Variants in FBRS observed in about 807,000 individuals in gnomAD.
FBRS encodes probable fibrosin-1.
A neutral mutation model predicts 86.1 loss-of-function variants in FBRS; 15 were observed. The observed-to-expected ratio is 0.17, with a 90% CI of 0.12 to 0.27. The LOEUF (loss-of-function observed/expected upper bound fraction) is 0.27, where lower values mean the gene tolerates loss of function less well. FBRS is among the 10% of genes least tolerant of loss of function. The pLI is 1.00. For synonymous variants in FBRS, 666 were observed against 575.8 expected (o/e 1.16, Z -2.24); for missense variants, 1,367 against 1,301.6 (o/e 1.05, Z -0.77).
intron 12 of FBRS, among the ~76,000 whole-genome samples, 165 bp downstream of exon 12, chr16:30,666,706 G>A (rs938010773): frequency 6.6e-5 from 10 of 152,170 alleles, no homozygotes; most frequent in Non-Finnish European, 1.0e-4. Context: ...CCTGGGCTCG[G>A]ATGGAACTGG....
chr16:30,664,398 G>GGGGC lies in FBRS; in HGVS notation c.1239_1240insGGGC (p.Pro414GlyfsTer37). 9 of 1,376,442 alleles carry GGGGC rather than the reference G, an allele frequency of 6.5e-6. No homozygotes were observed. Among genetic ancestry groups the GGGGC allele is most frequent in the Non-Finnish European group, 7.8e-6 (8 of 1,026,028 alleles). 85.3% of individuals were successfully genotyped at this position (1,376,442 alleles called of 1,614,324 possible). A position where few individuals can be genotyped will look rare whatever the true frequency, so the allele number is the denominator to read the frequency against. On this transcript the variant is annotated frameshift_variant, in exon 7 of 18. Transcript: ENST00000356166. LOFTEE classifies it high-confidence loss of function. Reference sequence around the variant, plus strand: ...ACAGCTTTCCCCCTCCCGGGCTGCGGCCCCCCCCACCACCCCACCACCCCT... The same window carrying GGGGC: ...ACAGCTTTCCCCCTCCCGGGCTGCGGGGGCCCCCCCCCACCACCCCACCACCCCT...
chr16:30,664,839 G>A lies in FBRS; in HGVS notation c.1482G>A (p.Gln494=), dbSNP rs1567545685. Residue 494 remains glutamine (Q), a synonymous_variant, in exon 8 of 18, where the codon CAG becomes CAA. Transcript: ENST00000356166. ...LAFQFHQHNH[Q]HQHTHQHTHQ... Reference sequence around the variant, plus strand: ...TCCAGTTCCACCAGCACAACCACCAGCACCAGCACACCCACCAGCACACCC... The same window carrying A: ...TCCAGTTCCACCAGCACAACCACCAACACCAGCACACCCACCAGCACACCC... 1 of 1,578,834 alleles carries A rather than the reference G, an allele frequency of 6.3e-7. No individual in the cohort carries two copies. Among genetic ancestry groups the A allele is most frequent in the South Asian group, 1.2e-5 (1 of 86,898 alleles).
chr16:30,659,549 C>T lies in FBRS; in HGVS notation c.31C>T (p.Pro11Ser), dbSNP rs895120223. 9.4e-6 allele frequency: 3 copies of T among 319,558 alleles called. No individual in the cohort carries two copies. Among genetic ancestry groups the T allele is most frequent in the Non-Finnish European group, 5.7e-6 (1 of 176,256 alleles). 19.8% of individuals were successfully genotyped at this position (319,558 alleles called of 1,614,324 possible). The change falls in exon 1 of 18, where the codon CCG becomes TCG. Residue 11 changes from proline (P) to serine (S), a missense_variant. Physicochemically the swap from Pro to Ser is moderately conservative, Grantham distance 74. This residue lies in a region of FBRS where 702 missense variants were observed against 598.7 expected (regional missense o/e 1.17). Transcript: ENST00000356166. ...GACGGCAGCGGCCGCGGCCCCGGGT[C>T]CGGGCTGGGCAGCAGAGGGGGAGCG... METAAAAAPG[P>S]GWAAEGERRR...
At position 30,665,942 on chromosome 16, in the gene FBRS, T is replaced by C; in HGVS notation, c.1773+236T>C. On this transcript the variant is annotated intron_variant, in intron 11 of 17. Transcript: ENST00000356166. The surrounding 1 kb of genome is among the most constrained non-coding windows in gnomAD (Gnocchi z 4.1). The stretch of plus-strand genomic sequence containing the variant: ...TTAGGACAATGGTTTTTGTAGTGGT[T>C]TTCAAACTTTTTAATAAAGTTACAA... 2.0e-6 allele frequency: 1 copy of C among 497,006 alleles called. No individual in the cohort carries two copies. The highest frequency in any genetic ancestry group is 3.5e-6 in the Non-Finnish European group (1 of 283,334). 30.8% of individuals were successfully genotyped at this position (497,006 alleles called of 1,614,324 possible). A position where few individuals can be genotyped will look rare whatever the true frequency, so the allele number is the denominator to read the frequency against.
chr16:30,665,357 C>A lies in FBRS; in HGVS notation c.1660C>A (p.Pro554Thr). 6.4e-7 allele frequency: 1 copy of A among 1,571,168 alleles called. No individual in the cohort carries two copies. Among genetic ancestry groups the A allele is most frequent in the Non-Finnish European group, 8.6e-7 (1 of 1,158,690 alleles). ...GCCCGGGCTGCCTCCGGGCCTCCCG[C>A]CGGCCGTCTCCTTTGGCTCCCTGCA... is the stretch of plus-strand genomic sequence containing the variant. ...AVPGLPPGLP[P>T]AVSFGSLQGA... The change falls in exon 10 of 18, where the codon CCG becomes ACG. Residue 554 changes from proline to threonine, a missense_variant. Physicochemically the swap from Pro to Thr is conservative, Grantham distance 38. Coordinates refer to ENST00000356166, the MANE Select transcript of FBRS (RefSeq NM_001105079.3). This position sits in a 1 kb window ranked among gnomAD's most constrained non-coding sequence, Gnocchi z 4.1.
chr16:30,668,871 C>A lies in FBRS; in HGVS notation c.2258C>A (p.Thr753Asn). The change falls in exon 17 of 18, where the codon ACC (threonine) becomes AAC (asparagine). Residue 753 changes from threonine (T) to asparagine (N), a missense_variant. Around this residue, in one of 3 missense-constraint regions of FBRS, gnomAD observed 659 missense variants for 678.8 expected, o/e 0.97. Coordinates refer to ENST00000356166, the MANE Select transcript of FBRS (RefSeq NM_001105079.3). ...PWGRLHRSPL[T>N]FPAWVRPPEA... ...GGCCGCCTGCACCGCAGTCCTCTGACCTTTCCTGCCTGGGTCCGGCCCCCT... is the reference window on the plus strand; with the variant it reads ...GGCCGCCTGCACCGCAGTCCTCTGAACTTTCCTGCCTGGGTCCGGCCCCCT... 1 of 1,588,432 alleles carries A rather than the reference C, an allele frequency of 6.3e-7. No individual in the cohort carries two copies. The highest frequency in any genetic ancestry group is 8.5e-7 in the Non-Finnish European group (1 of 1,171,588).
Position 30,665,681 on chromosome 16 carries a change from G to A in FBRS, c.1748G>A (p.Ser583Asn), listed in dbSNP as rs781064417. 2.5e-5 allele frequency: 40 copies of A among 1,589,630 alleles called. No individual in the cohort carries two copies. The highest frequency in any genetic ancestry group is 3.2e-5 in the Non-Finnish European group (37 of 1,168,366). Residue 583 changes from serine to asparagine, a missense_variant, in exon 11 of 18, where the codon AGC becomes AAC. By Grantham distance (46) the Ser-to-Asn change is conservative (BLOSUM62 1). This residue lies in a region of FBRS where 659 missense variants were observed against 678.8 expected (regional missense o/e 0.97). Transcript: ENST00000356166. This position sits in a 1 kb window ranked among gnomAD's most constrained non-coding sequence, Gnocchi z 4.1. Reference sequence around the variant, plus strand: ...CCACCACGACTGGGGCCGGTGCCGAGCGGGCTCTCCCAGAAGGGGACACAG... The same window carrying A: ...CCACCACGACTGGGGCCGGTGCCGAACGGGCTCTCCCAGAAGGGGACACAG... The part of the protein sequence containing the change: ...ELPPRLGPVP[S>N]GLSQKGTQIP...
In FBRS at chr16:30,670,578, C is replaced by T. The variant is rs2052585012; in HGVS notation, c.*933C>T. 9.9e-6 allele frequency: 2 copies of T among 201,728 alleles called. No homozygotes were observed. The highest frequency in any genetic ancestry group is 1.1e-4 in the Admixed American group (2 of 18,628). 12.5% of individuals were successfully genotyped at this position (201,728 alleles called of 1,614,324 possible). On this transcript the variant is annotated 3_prime_UTR_variant, in exon 18 of 18. Coordinates refer to ENST00000356166, the MANE Select transcript of FBRS (RefSeq NM_001105079.3). ...GTGGCCAGAGAAGGTCACCATGTAC[C>T]ACACACCAAAGAAGGGGGTCGGCCC...
chr16:30,667,884 G>T, intron 15 of FBRS: 1 of 408,152 alleles, frequency 2.5e-6, no homozygotes, highest in Non-Finnish European at 4.3e-6. Flanking sequence ...CACCTGGAAG[G>T]GGAAGGTGGG....
Position 30,669,204 on chromosome 16 carries a change from CGCTGCCGCTGCTGCTGCCGCCGCCGCT to C in FBRS, c.2505_2531del (p.Ala841_Ala849del), listed in dbSNP as rs1270862716. 6.5e-7 allele frequency: 1 copy of C among 1,544,270 alleles called. No individual in the cohort carries two copies. Among genetic ancestry groups the C allele is most frequent in the South Asian group, 1.2e-5 (1 of 84,076 alleles). On this transcript the variant is annotated inframe_deletion, in exon 18 of 18. Coordinates refer to ENST00000356166, the MANE Select transcript of FBRS (RefSeq NM_001105079.3). The surrounding 1 kb of genome is among the most constrained non-coding windows in gnomAD (Gnocchi z 5.9). Reference sequence around the variant, plus strand: ...AGCGGAAGGAGGAGGCTGCCGCCGCCGCTGCCGCTGCTGCTGCCGCCGCCGCTGCCGCCGCCGCAGCAGCCACTGGGC... The same window carrying C: ...AGCGGAAGGAGGAGGCTGCCGCCGCCGCCGCCGCCGCAGCAGCCACTGGGC...
rs1010299815 is a variant in FBRS at position 30,667,582 on chromosome 16, C to T, written c.2034C>T (p.Pro678=). The T allele has an allele frequency of 4.5e-6, 7 of 1,542,352 alleles. No individual in the cohort carries two copies. Among genetic ancestry groups the T allele is most frequent in the East Asian group, 4.9e-5 (2 of 40,872 alleles). The change falls in exon 15 of 18, where the codon CCC becomes CCT. Residue 678 remains proline, a synonymous_variant. Coordinates refer to ENST00000356166, the MANE Select transcript of FBRS (RefSeq NM_001105079.3). Reference sequence around the variant, plus strand: ...CAGCCAACCCTTTCACGGCAGCTCCCGGGGCCCACGGACCCTTCCTGAGCC... The same window carrying T: ...CAGCCAACCCTTTCACGGCAGCTCCTGGGGCCCACGGACCCTTCCTGAGCC... ...HAAANPFTAA[P]GAHGPFLSPS...
chr16:30,664,360 C>T lies in FBRS; in HGVS notation c.1201C>T (p.Pro401Ser). 1 of 1,536,708 alleles carries T rather than the reference C, an allele frequency of 6.5e-7. No individual in the cohort carries two copies. The highest frequency in any genetic ancestry group is 8.8e-7 in the Non-Finnish European group (1 of 1,137,976). The change falls in exon 7 of 18, where the codon CCT becomes TCT. Residue 401 changes from proline (P) to serine (S), a missense_variant. Pro to Ser is a moderately conservative substitution (Grantham distance 74, BLOSUM62 -1). Around this residue, in one of 3 missense-constraint regions of FBRS, gnomAD observed 702 missense variants for 598.7 expected, o/e 1.17. Coordinates refer to ENST00000356166, the MANE Select transcript of FBRS (RefSeq NM_001105079.3). ...GCCCCCGACGCCCTCACTGCCCCTG[C>T]CTTTGTCCACCCACAGCTTTCCCCC... Reference protein sequence around the residue: ...HRPPTPSLPLPLSTHSFPPPG... With the variant: ...HRPPTPSLPLSLSTHSFPPPG...
rs2052518054 is a variant in FBRS, at chr16:30,665,955, A to G, written c.1773+249A>G. ...TTTTGTAGTGGTTTTCAAACTTTTT[A>G]ATAAAGTTACAAAACACTTTTTTTC... On this transcript the variant is annotated intron_variant, in intron 11 of 17. Coordinates refer to ENST00000356166, the MANE Select transcript of FBRS (RefSeq NM_001105079.3). The surrounding 1 kb of genome is among the most constrained non-coding windows in gnomAD (Gnocchi z 4.1). 2.0e-6 allele frequency: 1 copy of G among 510,970 alleles called. No individual in the cohort carries two copies. Among genetic ancestry groups the G allele is most frequent in the Admixed American group, 3.7e-5 (1 of 27,112 alleles). 31.7% of individuals were successfully genotyped at this position (510,970 alleles called of 1,614,324 possible).
At chr16:30,667,713 A>G (rs973577210) in intron 15 of FBRS, 91 bp downstream of exon 15, 74 of 1,191,724 alleles carry the variant, frequency 6.2e-5, no homozygotes, top group Non-Finnish European at 8.0e-5. Flanking sequence ...GGAATGCAGG[A>G]TAGACCTGGT....
At chr16:30,663,158 A>G (rs1305679212) in intron 6 of FBRS, 6 of 339,910 alleles carry the variant, frequency 1.8e-5, no homozygotes, top group Non-Finnish European at 3.0e-5. Context: ...TGCTGACATG[A>G]TGGTTAAGAG....
chr16:30,660,436 A>G lies in FBRS; in HGVS notation c.633A>G (p.Arg211=). The G allele has an allele frequency of 7.9e-7, 1 of 1,258,554 alleles. No individual in the cohort carries two copies. The highest frequency in any genetic ancestry group is 1.0e-6 in the Non-Finnish European group (1 of 992,644). 78.0% of individuals were successfully genotyped at this position (1,258,554 alleles called of 1,614,324 possible). The part of the protein sequence containing the change: ...RARKWPNKRR[R]KEASSRHSLE... The stretch of plus-strand genomic sequence containing the variant: ...GAAAATGGCCCAATAAGCGGAGAAG[A>G]AAAGAGGTGAGGTTGTCCCTTAAAA... Residue 211 remains arginine, a synonymous_variant, in exon 2 of 18, where the codon AGA becomes AGG. Transcript: ENST00000356166.
At chr16:30,664,989 G>A in intron 8 of FBRS, 46 bp from the exon 9 acceptor site, 1 of 1,609,604 alleles carries the variant, frequency 6.2e-7, no homozygotes. Flanking sequence ...CTGGGGGAAG[G>A]CCCGGGTCCC....
chr16:30,665,187 C>T lies in FBRS; in HGVS notation c.1608+108C>T. 2.0e-6 allele frequency: 3 copies of T among 1,527,310 alleles called. No individual in the cohort carries two copies. The highest frequency in any genetic ancestry group is 2.6e-6 in the Non-Finnish European group (3 of 1,132,586). 94.6% of individuals were successfully genotyped at this position (1,527,310 alleles called of 1,614,324 possible). A position where few individuals can be genotyped will look rare whatever the true frequency, so the allele number is the denominator to read the frequency against. On this transcript the variant is annotated intron_variant, in intron 9 of 17. Transcript: ENST00000356166. The surrounding 1 kb of genome is among the most constrained non-coding windows in gnomAD (Gnocchi z 4.1). ...CCAGTCTTCAGCACAAAAGCAAGAG[C>T]CTTGAGCCTGGGACAGCTCCCTGGG...
Position 30,665,834 on chromosome 16 carries a change from TAGAG to T in FBRS, c.1773+131_1773+134del, listed in dbSNP as rs1039602591. ...CAATCGGGTGTTCCTGGGTGTCTAATAGAGAGGGAATTTCTGTAAATAGCTGGCT... is the reference window on the plus strand; with the variant it reads ...CAATCGGGTGTTCCTGGGTGTCTAATAGGGAATTTCTGTAAATAGCTGGCT... On this transcript the variant is annotated intron_variant, in intron 11 of 17. Coordinates refer to ENST00000356166, the MANE Select transcript of FBRS (RefSeq NM_001105079.3). This position sits in a 1 kb window ranked among gnomAD's most constrained non-coding sequence, Gnocchi z 4.1. 30 of 855,242 alleles carry T rather than the reference TAGAG, an allele frequency of 3.5e-5. No homozygotes were observed. Among genetic ancestry groups the T allele is most frequent in the East Asian group, 5.6e-5 (2 of 35,758 alleles). 53.0% of individuals were successfully genotyped at this position (855,242 alleles called of 1,614,324 possible).
Sources: allele counts gnomAD v4.1 joint callset (sites outside exome capture counted in the v4.1 genomes callset), GRCh38; gene constraint gnomAD v4.1.1; regional missense constraint gnomAD v4.1.1; non-coding constraint Gnocchi (gnomAD v3.1); transcripts MANE v1.5; gene names NCBI Gene and HGNC (gene_info 2026-07-23, HGNC 2026-07-21).